C19orf47: variants seen among roughly 807,000 people sequenced by gnomAD.
The protein encoded by C19orf47 is chromosome 19 open reading frame 47, also known as uncharacterized protein C19orf47.
A neutral mutation model predicts 32.3 loss-of-function variants in C19orf47; 18 were observed. The ratio of observed to expected loss-of-function variants is 0.56; its 90% CI spans 0.39 to 0.83. The LOEUF (loss-of-function observed/expected upper bound fraction) is 0.83, where lower values mean the gene tolerates loss of function less well. Ranked by LOEUF, C19orf47 falls within the 40% of genes least tolerant of loss-of-function variation. C19orf47 has a pLI of 0.00. For synonymous variants in C19orf47, 202 were observed against 211.1 expected, an observed-to-expected ratio of 0.96 and a Z score of 0.37; for missense variants, 484 against 531.6, an observed-to-expected ratio of 0.91 and a Z score of 0.88.
At chr19:40,306,874 C>T in the C19orf47 span, among the ~76,000 whole-genome samples, 48 of 149,928 alleles carry the variant, frequency 3.2e-4, no homozygotes, top group Admixed American at 5.3e-4. Flanking sequence ...CTGCAGGCTC[C>T]GCCCCCCGGG....
the C19orf47 span, among the ~76,000 whole-genome samples, chr19:40,298,826 G>C: frequency 6.6e-6 from 1 of 152,092 alleles, no homozygotes; most frequent in East Asian, 1.9e-4. Context: ...CAGAATAAAG[G>C]AAGGAAGAAA....
chr19:40,295,798 G>A, the C19orf47 span, among the ~76,000 whole-genome samples: 2 of 152,110 alleles, frequency 1.3e-5, no homozygotes, highest in East Asian at 3.9e-4. Flanking sequence ...CCAGGCTGGA[G>A]CGCAGCGTCG....
chr19:40,314,472 A>G, the C19orf47 span, among the ~76,000 whole-genome samples: 2 of 152,176 alleles, frequency 1.3e-5, no homozygotes, highest in Non-Finnish European at 2.9e-5. Context: ...GGGACTCTGG[A>G]ACCAACTGAA....
chr19:40,347,960 C>T (rs930773190), intron 1 of C19orf47, among the ~76,000 whole-genome samples: 7 of 152,102 alleles, frequency 4.6e-5, no homozygotes, highest in African/African-American at 1.4e-4. Flanking sequence ...GACACAGGCC[C>T]CACTGCCGCA....
chr19:40,339,870 G>A (rs2078140350), intron 2 of C19orf47, among the ~76,000 whole-genome samples: 1 of 151,694 alleles, frequency 6.6e-6, no homozygotes, highest in Admixed American at 6.6e-5. Flanking sequence ...ACTCAATCTG[G>A]AGGCTGAGGC....
Position 40,323,976 on chromosome 19 carries a change from GCCCAGAATCGCTCCCCCATC to G in C19orf47, c.663+10_663+29del. On this transcript the variant is annotated intron_variant, in intron 8 of 8. Transcript: ENST00000683109. ...GCTCAGGGAAGACAACAGCTCGCAC[GCCCAGAATCGCTCCCCCATC>G]CCCACTCACTTTACTCCCTGTCGTG... 1.2e-6 allele frequency: 2 copies of G among 1,613,306 alleles called. No individual in the cohort carries two copies. Among genetic ancestry groups the G allele is most frequent in the Non-Finnish European group, 1.7e-6 (2 of 1,179,198 alleles).
chr19:40,348,199 G>A, intron 1 of C19orf47, 125 bp downstream of exon 1: 1 of 586,304 alleles, frequency 1.7e-6, no homozygotes, highest in Middle Eastern at 5.4e-4. Flanking sequence ...AGGAAACTGA[G>A]GCTCAAAGAA....
intron 2 of C19orf47, 168 bp downstream of exon 2, chr19:40,341,670 CG>C: frequency 1.1e-6 from 1 of 900,696 alleles, no homozygotes; most frequent in Non-Finnish European, 1.6e-6. Flanking sequence ...AGTGATGAGG[CG>C]GGCAGGCCTC....
chr19:40,292,968 T>G, the C19orf47 span, among the ~76,000 whole-genome samples: 2 of 152,072 alleles, frequency 1.3e-5, no homozygotes, highest in Non-Finnish European at 2.9e-5. Context: ...TAACAACTTT[T>G]ATTCACCATA....
intron 1 of C19orf47, 34 bp downstream of exon 1, chr19:40,348,290 G>C (rs2078370164): frequency 7.7e-7 from 1 of 1,303,074 alleles, no homozygotes; most frequent in Admixed American, 4.2e-5. Context: ...TACCGCAACC[G>C]GCCCAGTCCC....
At chr19:40,347,409 G>A (rs2078330308) in intron 1 of C19orf47, among the ~76,000 whole-genome samples, 1 of 152,062 alleles carries the variant, frequency 6.6e-6, no homozygotes, top group African/African-American at 2.4e-5. Context: ...GCGCATGCCT[G>A]TAATCCCAGC....
chr19:40,340,176 T>A (rs184365570), intron 2 of C19orf47, among the ~76,000 whole-genome samples: 52 of 151,778 alleles, frequency 3.4e-4, no homozygotes, highest in African/African-American at 1.1e-3. Flanking sequence ...GGAACTATAA[T>A]GTACATGCAA....
downstream of C19orf47, among the ~76,000 whole-genome samples, chr19:40,318,248 A>T (rs569781817): frequency 1.2e-4 from 18 of 152,232 alleles, no homozygotes; most frequent in East Asian, 3.9e-4. Context: ...AAAAATTTTT[A>T]AAAGGCACCA....
At chr19:40,307,087 C>G in the C19orf47 span, among the ~76,000 whole-genome samples, 590 of 134,152 alleles carry the variant, frequency 4.4e-3, 6 homozygotes, top group African/African-American at 0.016. Flanking sequence ...CCGCGCCCGG[C>G]CCTTTTTTTT....
the C19orf47 span, among the ~76,000 whole-genome samples, chr19:40,309,085 G>C: frequency 6.6e-6 from 1 of 151,878 alleles, no homozygotes; most frequent in Non-Finnish European, 1.5e-5. Context: ...AATAAAAGTG[G>C]ATATTGAAAA....
chr19:40,346,637 C>T (rs2078295426), intron 1 of C19orf47, among the ~76,000 whole-genome samples: 1 of 150,502 alleles, frequency 6.6e-6, no homozygotes, highest in South Asian at 2.1e-4. Flanking sequence ...AGCAATTATC[C>T]TGCCTCAGCC....
chr19:40,305,597 T>G, the C19orf47 span, among the ~76,000 whole-genome samples: 1 of 152,156 alleles, frequency 6.6e-6, no homozygotes, highest in South Asian at 2.1e-4. Flanking sequence ...GGGACCATTA[T>G]ATTTGAACAT....
At chr19:40,298,595 T>A in the C19orf47 span, among the ~76,000 whole-genome samples, 1 of 152,212 alleles carries the variant, frequency 6.6e-6, no homozygotes, top group East Asian at 1.9e-4. Flanking sequence ...CTAGAAATTA[T>A]GTGTCTTCAC....
At chr19:40,342,056 T>G (rs1445534727) in intron 1 of C19orf47, 166 bp from the exon 2 acceptor site, 12 of 985,316 alleles carry the variant, frequency 1.2e-5, no homozygotes, top group African/African-American at 3.5e-5. Flanking sequence ...GGGACAGAGC[T>G]GCCACCACCA....
Sources: allele counts gnomAD v4.1 joint callset (sites outside exome capture counted in the v4.1 genomes callset), GRCh38; gene constraint gnomAD v4.1.1; transcripts MANE v1.5; gene names NCBI Gene and HGNC (gene_info 2026-07-23, HGNC 2026-07-21).